The following TRPM8 variants were observed in gnomAD, a reference collection of about 807,000 sequenced individuals.
TRPM8 encodes the protein transient receptor potential cation channel subfamily M member 8, also known as TRPM8 cationic channel.
Under a neutral mutation model 133.7 loss-of-function variants are expected in TRPM8, and 110 were observed. That is an observed-to-expected ratio of 0.82 (90% CI 0.70 to 0.96). The LOEUF (loss-of-function observed/expected upper bound fraction) is 0.96. Among genes scored for constraint, TRPM8 ranks in the 40% least tolerant of loss-of-function variants. TRPM8 has a pLI of 0.00. For synonymous variants in TRPM8, 535 were observed against 532.3 expected (o/e 1.01, Z -0.07); for missense variants, 1,291 against 1,379.5 (o/e 0.94, Z 1.02).
At chr2:234,001,359 T>G (rs1692558881) in intron 22 of TRPM8, among the ~76,000 whole-genome samples, 1 of 152,190 alleles carries the variant, frequency 6.6e-6, no homozygotes, top group African/African-American at 2.4e-5. Context: ...TTTGAGGTAC[T>G]GTGTCCTAAA....
chr2:233,987,622 T>C (rs1320101193), intron 21 of TRPM8, among the ~76,000 whole-genome samples: 1 of 152,174 alleles, frequency 6.6e-6, no homozygotes, highest in East Asian at 1.9e-4. Context: ...TCCACTCCAG[T>C]CTTCTTTACA....
chr2:233,930,638 A>T, intron 2 of TRPM8, 30 bp from the exon 3 acceptor site: 1 of 1,459,812 alleles, frequency 6.9e-7, no homozygotes, highest in Non-Finnish European at 9.5e-7. Flanking sequence ...ATAAATTAGT[A>T]ATGTGTTATT....
At chr2:234,006,372 A>C (rs1290503803) in intron 22 of TRPM8, among the ~76,000 whole-genome samples, 1 of 152,196 alleles carries the variant, frequency 6.6e-6, no homozygotes, top group Non-Finnish European at 1.5e-5. Flanking sequence ...TCCACAGCTC[A>C]TGTTTCAGAA....
chr2:233,938,891 T>A lies in TRPM8; in HGVS notation c.349-107T>A. Reference sequence around the variant, plus strand: ...ATCCCTGCTGCCCCCACCCCGCCCCTCTTCTAGAAGCAGGCAAGCGTGGGC... The same window carrying A: ...ATCCCTGCTGCCCCCACCCCGCCCCACTTCTAGAAGCAGGCAAGCGTGGGC... On this transcript the variant is annotated intron_variant, in intron 4 of 25. Transcript: ENST00000324695. The A allele has an allele frequency of 9.4e-5, 117 of 1,244,880 alleles. No homozygotes were observed. In the East Asian group the frequency reaches 1.8e-3, roughly 19 times the overall value. The allele number at this position is 1,244,880 out of a possible 1,614,324, so 77.1% of individuals were successfully genotyped here. A position where few individuals can be genotyped will look rare whatever the true frequency, so the allele number is the denominator to read the frequency against.
intron 1 of TRPM8, among the ~76,000 whole-genome samples, chr2:233,921,682 T>TC (rs1559513766): frequency 1.4e-5 from 2 of 143,716 alleles, no homozygotes; most frequent in African/African-American, 5.2e-5. Context: ...CTTTTCTTTT[T>TC]TTTTTTTTTT....
chr2:233,969,672 T>C, intron 15 of TRPM8, 23 bp from the exon 16 acceptor site: 1 of 1,459,100 alleles, frequency 6.9e-7, no homozygotes, highest in African/African-American at 1.4e-5. Context: ...AGGACCTTGT[T>C]CTCTGTCTTT....
chr2:233,997,951 T>C (rs1574777739), intron 22 of TRPM8, among the ~76,000 whole-genome samples: 1 of 152,128 alleles, frequency 6.6e-6, no homozygotes, highest in East Asian at 1.9e-4. Flanking sequence ...ACATCAGGCT[T>C]GAGTTTCTCC....
chr2:233,945,604 A>T (rs1691021692), intron 6 of TRPM8, among the ~76,000 whole-genome samples: 1 of 152,188 alleles, frequency 6.6e-6, no homozygotes, highest in Admixed American at 6.5e-5. Context: ...TGGGAATCTG[A>T]TCCTTACACT....
chr2:233,987,817 G>C (rs898394395), intron 21 of TRPM8, among the ~76,000 whole-genome samples: 11 of 152,148 alleles, frequency 7.2e-5, no homozygotes, highest in Admixed American at 7.2e-4. Context: ...TATGTCTCAC[G>C]AGATTTGATG....
intron 22 of TRPM8, among the ~76,000 whole-genome samples, chr2:234,001,752 G>A (rs951418424): frequency 2.0e-5 from 3 of 152,246 alleles, no homozygotes; most frequent in Non-Finnish European, 4.4e-5. Context: ...TGGGGCTGCA[G>A]CCATGAACAA....
At chr2:233,947,693 A>G (rs1691078199) in intron 8 of TRPM8, 1 of 1,012,050 alleles carries the variant, frequency 9.9e-7, no homozygotes, top group Non-Finnish European at 1.4e-6. Flanking sequence ...TTGACTTCCC[A>G]GCCAATCTGT....
chr2:233,947,613 A>G lies in TRPM8; in HGVS notation c.942+458A>G, dbSNP rs538832174. 2.4e-5 allele frequency: 31 copies of G among 1,289,706 alleles called. No individual in the cohort carries two copies. The African/African-American group carries it at 3.0e-4, about 13-fold the overall frequency. 79.9% of individuals were successfully genotyped at this position (1,289,706 alleles called of 1,614,324 possible). A position where few individuals can be genotyped will look rare whatever the true frequency, so the allele number is the denominator to read the frequency against. On this transcript the variant is annotated intron_variant, in intron 8 of 25. Coordinates refer to ENST00000324695, the MANE Select transcript of TRPM8 (RefSeq NM_024080.5). ...TTGCATGATGGAATTCCAAACCCTA[A>G]GTGATTCTGAGATCATGGAAACTTC...
intron 18 of TRPM8, 139 bp from the exon 19 acceptor site, chr2:233,981,635 G>T: frequency 5.5e-6 from 4 of 731,298 alleles, no homozygotes; most frequent in Non-Finnish European, 8.7e-6. Flanking sequence ...GGCCTCTGCT[G>T]GGTGGTGTTT....
At chr2:234,003,474 C>A (rs146726762) in intron 22 of TRPM8, among the ~76,000 whole-genome samples, 1 of 152,116 alleles carries the variant, frequency 6.6e-6, no homozygotes, top group Non-Finnish European at 1.5e-5. Context: ...TTTGGAAGTT[C>A]AGATCTGGAA....
At chr2:233,985,254 C>T (rs558069181) in intron 20 of TRPM8, among the ~76,000 whole-genome samples, 7 of 152,236 alleles carry the variant, frequency 4.6e-5, no homozygotes, top group Non-Finnish European at 1.0e-4. Flanking sequence ...TGCTGCTCAG[C>T]CTCTGCTCTC....
intron 6 of TRPM8, among the ~76,000 whole-genome samples, chr2:233,945,016 A>G (rs1691007606): frequency 6.6e-6 from 1 of 152,180 alleles, no homozygotes. Flanking sequence ...TTTAACCACT[A>G]TAGTATTCAG....
chr2:233,952,628 C>G (rs1231406710), intron 9 of TRPM8, among the ~76,000 whole-genome samples: 1 of 151,606 alleles, frequency 6.6e-6, no homozygotes, highest in East Asian at 1.9e-4. Context: ...TGGTCTTGTT[C>G]AAGTGTAATG....
At chr2:233,977,928 T>C (rs1338061932) in intron 17 of TRPM8, among the ~76,000 whole-genome samples, 2 of 152,222 alleles carry the variant, frequency 1.3e-5, no homozygotes, top group Non-Finnish European at 2.9e-5. Context: ...ATAATGCTTA[T>C]CACAAGTGGG....
intron 10 of TRPM8, among the ~76,000 whole-genome samples, chr2:233,954,777 G>A (rs1051181583): frequency 6.6e-6 from 1 of 152,176 alleles, no homozygotes; most frequent in Non-Finnish European, 1.5e-5. Context: ...TTGTAAGGTG[G>A]CTTATTGTTT....
Sources: allele counts gnomAD v4.1 joint callset (sites outside exome capture counted in the v4.1 genomes callset), GRCh38; gene constraint gnomAD v4.1.1; transcripts MANE v1.5; gene names NCBI Gene and HGNC (gene_info 2026-07-23, HGNC 2026-07-21).